Variants in CGNL1 observed in about 807,000 individuals in gnomAD.
CGNL1 encodes cingulin-like protein 1.
Under a neutral mutation model 141.2 loss-of-function variants are expected in CGNL1, and 132 were observed. The ratio of observed to expected loss-of-function variants is 0.93; its 90% CI spans 0.81 to 1.08. The LOEUF (loss-of-function observed/expected upper bound fraction) is 1.08, where lower values mean the gene tolerates loss of function less well. Among genes scored for constraint, CGNL1 ranks in the 50% least tolerant of loss-of-function variants. The probability of loss-of-function intolerance (pLI) is 0.00; values close to 1 mark genes in which losing one functional copy is unlikely to be tolerated. For missense variants in CGNL1, 1,870 were observed against 1,588.6 expected (o/e 1.18, Z -3.01); for synonymous variants, 690 against 622.1 (o/e 1.11, Z -1.63).
At position 57,396,188 on chromosome 15, in the gene CGNL1, C is replaced by A. The variant is rs547716056; in HGVS notation, c.-16+19621C>A. ...TTGTATAGTTTAATGTACAAATATG[C>A]CTCACTGTTGATCTCTTCTACTGTT... is the stretch of plus-strand genomic sequence containing the variant. On this transcript the variant is annotated intron_variant, in intron 1 of 18. Transcript: ENST00000281282. Among the ~76,000 whole-genome samples the A allele has an allele frequency of 2.2e-3, 336 of 152,000 alleles. 2 individuals carry two copies. The highest frequency in any genetic ancestry group is 0.017 in the Middle Eastern group (5 of 294).
In CGNL1 at chr15:57,437,619, C is replaced by CAAAAAAAAAA. The variant is rs540499763; in HGVS notation, c.-15-345_-15-336dup. The stretch of plus-strand genomic sequence containing the variant: ...AAGTTTCAGGAAACCAACTAAACAG[C>CAAAAAAAAAA]AAAAAAAAAAAAAAAAAAAAAAAAA... On this transcript the variant is annotated intron_variant, in intron 1 of 18. Transcript: ENST00000281282. Among the ~76,000 whole-genome samples, 36 of 36,076 alleles carry CAAAAAAAAAA rather than the reference C, an allele frequency of 1.0e-3. 1 individual carries two copies. The highest frequency in any genetic ancestry group is 1.5e-3 in the Non-Finnish European group (27 of 18,504). The allele number at this position is 36,076 out of a possible 152,430, so 23.7% of individuals were successfully genotyped here.
At chr15:57,432,412 T>C (rs1256961433) in intron 1 of CGNL1, among the ~76,000 whole-genome samples, 1 of 152,338 alleles carries the variant, frequency 6.6e-6, no homozygotes, top group East Asian at 1.9e-4. Flanking sequence ...TCATAGTTCT[T>C]CCAAGAGCTA....
intron 8 of CGNL1, among the ~76,000 whole-genome samples, chr15:57,469,692 A>G (rs750688575): frequency 1.4e-4 from 21 of 151,836 alleles, no homozygotes; most frequent in South Asian, 6.2e-4. Flanking sequence ...TTCAAATTCA[A>G]TAATGTTGAA....
intron 1 of CGNL1, among the ~76,000 whole-genome samples, chr15:57,427,458 G>A (rs1157959073): frequency 7.9e-5 from 12 of 152,132 alleles, no homozygotes; most frequent in Middle Eastern, 3.2e-3. Context: ...TTTGTGAATC[G>A]ATGACGCCCA....
rs1350152717 is a variant in CGNL1, at chr15:57,438,600, A to G, written c.601A>G (p.Thr201Ala). The part of the protein sequence containing the change: ...CFPKPSNSQP[T>A]SPSLEDPAKS... ...TCCCAAACCTAGCAATTCCCAGCCT[A>G]CCAGTCCCTCCTTGGAAGACCCGGC... Residue 201 changes from threonine to alanine, a missense_variant, in exon 2 of 19, where the codon ACC (threonine) becomes GCC (alanine). Transcript: ENST00000281282. 3 of 1,613,716 alleles carry G rather than the reference A, an allele frequency of 1.9e-6. No homozygotes were observed. In the African/African-American group the frequency reaches 4.0e-5, roughly 22 times the overall value.
intron 5 of CGNL1, 109 bp downstream of exon 5, chr15:57,451,710 A>T: frequency 1.4e-6 from 1 of 721,110 alleles, no homozygotes; most frequent in East Asian, 2.7e-5. Flanking sequence ...TTTTCCCCCA[A>T]AAGAAACATT....
At chr15:57,403,503 A>G (rs1265701407) in intron 1 of CGNL1, among the ~76,000 whole-genome samples, 1 of 152,196 alleles carries the variant, frequency 6.6e-6, no homozygotes, top group Non-Finnish European at 1.5e-5. Context: ...AGTTTATTTC[A>G]AAACAGGATT....
chr15:57,378,299 T>G (rs2152208131), intron 1 of CGNL1, among the ~76,000 whole-genome samples: 1 of 149,970 alleles, frequency 6.7e-6, no homozygotes, highest in East Asian at 2.0e-4. Context: ...ATTTCCACCC[T>G]GATGTTGCTA....
intron 8 of CGNL1, among the ~76,000 whole-genome samples, chr15:57,473,105 A>G (rs2063603483): frequency 6.6e-6 from 1 of 152,216 alleles, no homozygotes; most frequent in Non-Finnish European, 1.5e-5. Flanking sequence ...TCAAGCCACA[A>G]GAATTGGGTG....
At chr15:57,503,195 AATAGTT>A (rs2064050308) in intron 8 of CGNL1, among the ~76,000 whole-genome samples, 2 of 152,146 alleles carry the variant, frequency 1.3e-5, no homozygotes, top group African/African-American at 4.8e-5. Flanking sequence ...CCAGATCCTC[AATAGTT>A]AGGTCAGTAG....
Position 57,549,573 on chromosome 15 carries a change from G to A in CGNL1, c.*2083G>A, listed in dbSNP as rs2033022482. 1 of 152,212 alleles carries A rather than the reference G, an allele frequency of 6.6e-6. No homozygotes were observed. The highest frequency in any genetic ancestry group is 6.5e-5 in the Admixed American group (1 of 15,278). 9.4% of individuals were successfully genotyped at this position (152,212 alleles called of 1,614,324 possible). A position where few individuals can be genotyped will look rare whatever the true frequency, so the allele number is the denominator to read the frequency against. Reference sequence around the variant, plus strand: ...ACCTCTGCCTGCTTATGTGGGGTGTGGCCGATTCCTCCCTTTAGTCATTCA... The same window carrying A: ...ACCTCTGCCTGCTTATGTGGGGTGTAGCCGATTCCTCCCTTTAGTCATTCA... On this transcript the variant is annotated 3_prime_UTR_variant, in exon 19 of 19. Coordinates refer to ENST00000281282, the MANE Select transcript of CGNL1 (RefSeq NM_032866.5).
chr15:57,521,635 TG>T (rs1481977923), intron 10 of CGNL1, among the ~76,000 whole-genome samples: 2 of 152,274 alleles, frequency 1.3e-5, no homozygotes, highest in East Asian at 3.9e-4. Context: ...GTGTGTGTGC[TG>T]GGGTGGCAGG....
chr15:57,412,158 G>A (rs1009029268), intron 1 of CGNL1, among the ~76,000 whole-genome samples: 1 of 152,214 alleles, frequency 6.6e-6, no homozygotes, highest in East Asian at 1.9e-4. Context: ...GTGCCTGAAA[G>A]TCACTCCTGA....
rs181905417 is a variant in CGNL1 at position 57,386,974 on chromosome 15, C to G, written c.-16+10407C>G. On this transcript the variant is annotated intron_variant, in intron 1 of 18. Coordinates refer to ENST00000281282, the MANE Select transcript of CGNL1 (RefSeq NM_032866.5). ...TTTAACCAATTTAAAGTGTACAGTGCAGTGGCATTAAGTACACTCACAATG... is the reference window on the plus strand; with the variant it reads ...TTTAACCAATTTAAAGTGTACAGTGGAGTGGCATTAAGTACACTCACAATG... Among the ~76,000 whole-genome samples the G allele has an allele frequency of 7.2e-4, 110 of 152,192 alleles. 2 individuals are homozygous for G. The highest frequency in any genetic ancestry group is 2.5e-3 in the African/African-American group (102 of 41,504).
Position 57,516,648 on chromosome 15 carries a change from C to T in CGNL1, c.2404-132C>T, listed in dbSNP as rs77429728. 1.5e-3 allele frequency: 1,351 copies of T among 915,226 alleles called. 10 individuals carry two copies. The African/African-American group carries it at 0.019, about 13-fold the overall frequency. The allele number at this position is 915,226 out of a possible 1,614,324, so 56.7% of individuals were successfully genotyped here. ...GTTTGGCCTGCAGGCTGTCGTTTGCCGACCCCTGGCTCAGCACAGGGCCTG... is the reference window on the plus strand; with the variant it reads ...GTTTGGCCTGCAGGCTGTCGTTTGCTGACCCCTGGCTCAGCACAGGGCCTG... On this transcript the variant is annotated intron_variant, in intron 8 of 18. Transcript: ENST00000281282.
At chr15:57,380,978 T>A (rs1426691581) in intron 1 of CGNL1, among the ~76,000 whole-genome samples, 1 of 152,250 alleles carries the variant, frequency 6.6e-6, no homozygotes, top group East Asian at 1.9e-4. Flanking sequence ...TTCCTCATCA[T>A]ACCATGGTTG....
chr15:57,518,493 C>G lies in CGNL1; in HGVS notation c.2711C>G (p.Ala904Gly). The change falls in exon 10 of 19, where the codon GCT becomes GGT. Residue 904 changes from alanine (A) to glycine (G), a missense_variant. Physicochemically the swap from Ala to Gly is moderately conservative, Grantham distance 60. Coordinates refer to ENST00000281282, the MANE Select transcript of CGNL1 (RefSeq NM_032866.5). ...RRALENELEA[A>G]QGNLSQTTQE... ...GCCCTGGAGAATGAACTGGAGGCTG[C>G]TCAGGTAAACACCAAGGGCTGTTGT... 1 of 1,604,320 alleles carries G rather than the reference C, an allele frequency of 6.2e-7. No homozygotes were observed. The highest frequency in any genetic ancestry group is 8.5e-7 in the Non-Finnish European group (1 of 1,173,694).
intron 14 of CGNL1, among the ~76,000 whole-genome samples, chr15:57,539,239 A>C (rs1295155213): frequency 6.6e-6 from 1 of 151,698 alleles, no homozygotes; most frequent in African/African-American, 2.4e-5. Context: ...CACTTTTCGG[A>C]AAATAATCTA....
chr15:57,517,420 G>C (rs563619846), intron 9 of CGNL1, among the ~76,000 whole-genome samples: 1 of 152,320 alleles, frequency 6.6e-6, no homozygotes, highest in African/African-American at 2.4e-5. Flanking sequence ...ACCTCTAGCA[G>C]TGGGAAGCTG....
Sources: allele counts gnomAD v4.1 joint callset (sites outside exome capture counted in the v4.1 genomes callset), GRCh38; gene constraint gnomAD v4.1.1; transcripts MANE v1.5; gene names NCBI Gene and HGNC (gene_info 2026-07-23, HGNC 2026-07-21).